VWA2: variants seen among roughly 807,000 people sequenced by gnomAD.
VWA2 encodes von Willebrand factor A domain containing 2, also known as von Willebrand factor A domain-containing protein 2.
In VWA2, 73 loss-of-function variants were observed where a neutral mutation model predicts 70.4. That is an observed-to-expected ratio of 1.04 (90% CI 0.86 to 1.26). The LOEUF is 1.26. VWA2 is among the 50% of genes most tolerant of loss of function. VWA2 has a pLI of 0.00. For missense variants in VWA2, 1,011 were observed against 998.5 expected, an observed-to-expected ratio of 1.01 and a Z score of -0.17; for synonymous variants, 407 against 423.3, an observed-to-expected ratio of 0.96 and a Z score of 0.47.
intron 8 of VWA2, among the ~76,000 whole-genome samples, chr10:114,281,476 C>T (rs567546425): frequency 1.3e-5 from 2 of 152,332 alleles, no homozygotes; most frequent in East Asian, 1.9e-4. Context: ...ACCCATTTCC[C>T]TATCTGGAAC....
At chr10:114,287,763 C>T (rs116691098) in intron 11 of VWA2, among the ~76,000 whole-genome samples, 2,311 of 152,340 alleles carry the variant, frequency 0.015, 65 homozygotes, top group African/African-American at 0.053. Flanking sequence ...CTATACCCCA[C>T]ACCCAGTTTC....
Position 114,278,708 on chromosome 10 carries a change from T to G in VWA2, c.701-11T>G. The G allele has an allele frequency of 6.2e-7, 1 of 1,613,738 alleles. No individual in the cohort carries two copies. Among genetic ancestry groups the G allele is most frequent in the Admixed American group, 1.7e-5 (1 of 60,008 alleles). On this transcript the variant is annotated splice_polypyrimidine_tract_variant and intron_variant, in intron 7 of 13. Transcript: ENST00000392982. ...CTCCTCCGTGGGTGTGGGTGTGTGTTGTGGACACAGACTGCAGGGTCGAGG... is the reference window on the plus strand; with the variant it reads ...CTCCTCCGTGGGTGTGGGTGTGTGTGGTGGACACAGACTGCAGGGTCGAGG...
At position 114,294,335 on chromosome 10, in the gene VWA2, T is replaced by C. The variant is rs2039872530; in HGVS notation, c.*3098T>C. ...AACTTTTACACTGATATATTCATAG[T>C]ATTTTTTTATAATTTGAAAAATCTT... On this transcript the variant is annotated 3_prime_UTR_variant, in exon 14 of 14. Transcript: ENST00000392982. 6.6e-6 allele frequency among the ~76,000 whole-genome samples: 1 copy of C among 152,232 alleles called. No individual in the cohort carries two copies. The highest frequency in any genetic ancestry group is 1.5e-5 in the Non-Finnish European group (1 of 68,036).
In VWA2 at chr10:114,286,314, A is replaced by G; in HGVS notation, c.1373A>G (p.Glu458Gly). 6.2e-7 allele frequency: 1 copy of G among 1,612,196 alleles called. No individual in the cohort carries two copies. The highest frequency in any genetic ancestry group is 8.5e-7 in the Non-Finnish European group (1 of 1,178,858). Residue 458 changes from glutamate to glycine, a missense_variant, in exon 11 of 14, where the codon GAG becomes GGG. Glu to Gly is a moderately conservative substitution (Grantham distance 98). Coordinates refer to ENST00000392982, the MANE Select transcript of VWA2 (RefSeq NM_001272046.2). Reference protein sequence around the residue: ...VVVLLTESHSEDEVAGPARHA... With the variant: ...VVVLLTESHSGDEVAGPARHA... ...GTTTTGCTCACTGAGTCACACTCCG[A>G]GGATGAGGTTGCGGGCCCAGCGCGT...
Position 114,246,227 on chromosome 10 carries a change from A to G in VWA2, c.-10-2477A>G, listed in dbSNP as rs2037063803. 4.1e-6 allele frequency: 4 copies of G among 965,560 alleles called. No individual in the cohort carries two copies. The East Asian group carries it at 1.0e-4, about 25-fold the overall frequency. The allele number at this position is 965,560 out of a possible 1,614,324, so 59.8% of individuals were successfully genotyped here. ...AAGAATATCACGGGTTGGGCTGGGCATGGTGGCTCACGCCTGTAATCCCAG... is the reference window on the plus strand; with the variant it reads ...AAGAATATCACGGGTTGGGCTGGGCGTGGTGGCTCACGCCTGTAATCCCAG... On this transcript the variant is annotated intron_variant, in intron 1 of 13. Coordinates refer to ENST00000392982, the MANE Select transcript of VWA2 (RefSeq NM_001272046.2).
chr10:114,249,714 C>T (rs1012458394), intron 2 of VWA2, among the ~76,000 whole-genome samples: 1 of 152,044 alleles, frequency 6.6e-6, no homozygotes, highest in Non-Finnish European at 1.5e-5. Context: ...GTATATGTAC[C>T]ACATGTTCTC....
At chr10:114,284,775 G>A (rs559886493) in intron 9 of VWA2, 88 bp from the exon 10 acceptor site, 2 of 1,313,938 alleles carry the variant, frequency 1.5e-6, no homozygotes, top group Non-Finnish European at 2.1e-6. Context: ...TGCTAGAGCA[G>A]GAAGCCAGCT....
chr10:114,278,923 G>C, intron 8 of VWA2, 72 bp downstream of exon 8: 1 of 1,588,768 alleles, frequency 6.3e-7, no homozygotes, highest in South Asian at 1.1e-5. Context: ...GGGGAGGATA[G>C]TACTTTGGGG....
intron 9 of VWA2, among the ~76,000 whole-genome samples, chr10:114,283,807 T>A (rs1434079237): frequency 6.6e-6 from 1 of 152,246 alleles, no homozygotes; most frequent in Non-Finnish European, 1.5e-5. Context: ...ATTTCCACAG[T>A]CTTCTGGCTG....
rs541971384 is a variant in VWA2 at position 114,279,434 on chromosome 10, G to T, written c.833+583G>T. ...GGTGACCCTGCCCCTCTCCCTTTCTGGGGGGCCGGGGCAGTGTTTGAATCA... is the reference window on the plus strand; with the variant it reads ...GGTGACCCTGCCCCTCTCCCTTTCTTGGGGGCCGGGGCAGTGTTTGAATCA... On this transcript the variant is annotated intron_variant, in intron 8 of 13. Transcript: ENST00000392982. Among the ~76,000 whole-genome samples, 3 of 152,080 alleles carry T rather than the reference G, an allele frequency of 2.0e-5. No homozygotes were observed. The South Asian group carries it at 6.2e-4, about 32-fold the overall frequency.
chr10:114,289,243 A>G lies in VWA2; in HGVS notation c.1876A>G (p.Arg626Gly). 6.2e-7 allele frequency: 1 copy of G among 1,614,038 alleles called. No individual in the cohort carries two copies. Among genetic ancestry groups the G allele is most frequent in the Non-Finnish European group, 8.5e-7 (1 of 1,179,984 alleles). ...HIYDKVMTVQ[R>G]GARPGVPKAV... ...CTATGACAAAGTGATGACCGTCCAG[A>G]GGGGTGCCCGGCCTGGTGTCCCCAA... The change falls in exon 12 of 14, where the codon AGG becomes GGG. Residue 626 changes from arginine (R) to glycine (G), a missense_variant. Transcript: ENST00000392982.
At chr10:114,255,561 G>C (rs371880325) in intron 4 of VWA2, among the ~76,000 whole-genome samples, 3 of 152,188 alleles carry the variant, frequency 2.0e-5, no homozygotes, top group Non-Finnish European at 4.4e-5. Flanking sequence ...TGTGTTTGCA[G>C]AACAATGGGA....
chr10:114,286,124 G>A lies in VWA2; in HGVS notation c.1183G>A (p.Val395Met). ...ATYSRELLVA[V>M]PVGEYQDVPD... is the part of the protein sequence containing the mutation. ...ATACAGCAGGGAGCTGCTGGTGGCG[G>A]TGCCTGTGGGGGAGTACCAGGATGT... The change falls in exon 11 of 14, where the codon GTG (valine) becomes ATG (methionine). Residue 395 changes from valine (V) to methionine (M), a missense_variant. By Grantham distance (21) the Val-to-Met change is conservative. Coordinates refer to ENST00000392982, the MANE Select transcript of VWA2 (RefSeq NM_001272046.2). 6.2e-7 allele frequency: 1 copy of A among 1,614,138 alleles called. No individual in the cohort carries two copies. Among genetic ancestry groups the A allele is most frequent in the Non-Finnish European group, 8.5e-7 (1 of 1,180,044 alleles).
intron 5 of VWA2, 132 bp downstream of exon 5, chr10:114,261,427 C>T (rs1177007547): frequency 5.1e-6 from 3 of 587,936 alleles, no homozygotes; most frequent in East Asian, 2.9e-5. Flanking sequence ...CAGCTGGGCA[C>T]AGTTGGTCAC....
intron 8 of VWA2, 117 bp downstream of exon 8, chr10:114,278,968 G>C: frequency 6.8e-7 from 1 of 1,476,256 alleles, no homozygotes; most frequent in South Asian, 1.3e-5. Context: ...GATCGAAGGA[G>C]ACCTGGGAGG....
rs2133267636 is a variant in VWA2 at position 114,239,312 on chromosome 10, T to G, written c.-268T>G. On this transcript the variant is annotated 5_prime_UTR_variant, in exon 1 of 14. Coordinates refer to ENST00000392982, the MANE Select transcript of VWA2 (RefSeq NM_001272046.2). Reference sequence around the variant, plus strand: ...GTGACCCGCGTAGAAGTGAAGTACTTTTTTATTTGCAGACCTGGGCCGATG... The same window carrying G: ...GTGACCCGCGTAGAAGTGAAGTACTGTTTTATTTGCAGACCTGGGCCGATG... The G allele has an allele frequency of 6.6e-6, 1 of 152,384 alleles. No homozygotes were observed. Among genetic ancestry groups the G allele is most frequent in the South Asian group, 2.1e-4 (1 of 4,830 alleles). The allele number at this position is 152,384 out of a possible 1,614,324, so 9.4% of individuals were successfully genotyped here. A position where few individuals can be genotyped will look rare whatever the true frequency, so the allele number is the denominator to read the frequency against.
At chr10:114,257,238 A>G (rs1339099157) in intron 4 of VWA2, among the ~76,000 whole-genome samples, 1 of 152,164 alleles carries the variant, frequency 6.6e-6, no homozygotes, top group African/African-American at 2.4e-5. Context: ...ATGTTAACCC[A>G]GCATAGACCC....
chr10:114,280,672 G>A (rs2038039023), intron 8 of VWA2: 1 of 152,192 alleles, frequency 6.6e-6, no homozygotes. Flanking sequence ...GCTTTATGAG[G>A]TCACTAGGAT....
At chr10:114,274,146 G>A (rs189814966) in intron 6 of VWA2, among the ~76,000 whole-genome samples, 31 of 152,352 alleles carry the variant, frequency 2.0e-4, no homozygotes, top group African/African-American at 6.5e-4. Flanking sequence ...CCAGGGAGGG[G>A]CGGAAGCCCA....
Sources: allele counts gnomAD v4.1 joint callset (sites outside exome capture counted in the v4.1 genomes callset), GRCh38; gene constraint gnomAD v4.1.1; transcripts MANE v1.5; gene names NCBI Gene and HGNC (gene_info 2026-07-23, HGNC 2026-07-21).